Variants in DDX10 observed in about 807,000 individuals in gnomAD.
DDX10 encodes the protein probable ATP-dependent RNA helicase DDX10.
A neutral mutation model predicts 104.3 loss-of-function variants in DDX10; 74 were observed. The ratio of observed to expected loss-of-function variants is 0.71; its 90% CI spans 0.59 to 0.86. The LOEUF is 0.86. Among genes scored for constraint, DDX10 ranks in the 40% least tolerant of loss-of-function variants. The pLI, the probability that DDX10 is intolerant of heterozygous loss-of-function variation, is 0.00. For missense variants in DDX10, 952 were observed against 1,040.0 expected (o/e 0.92, Z 1.16); for synonymous variants, 351 against 353.4 (o/e 0.99, Z 0.08).
chr11:108,899,083 G>C (rs908507892), intron 16 of DDX10, among the ~76,000 whole-genome samples: 1 of 152,124 alleles, frequency 6.6e-6, no homozygotes, highest in African/African-American at 2.4e-5. Context: ...CTGCAACTTC[G>C]TGTCTCTGCG....
At chr11:108,845,685 A>T (rs1862706938) in intron 15 of DDX10, among the ~76,000 whole-genome samples, 1 of 152,226 alleles carries the variant, frequency 6.6e-6, no homozygotes, top group African/African-American at 2.4e-5. Flanking sequence ...CGTAAAACCT[A>T]TCACATGCTT....
In DDX10 at chr11:108,917,551, G is replaced by A. The variant is rs1195772381; in HGVS notation, c.2305-322G>A. Among the ~76,000 whole-genome samples, 6 of 152,268 alleles carry A rather than the reference G, an allele frequency of 3.9e-5. No homozygotes were observed. In the East Asian group the frequency reaches 7.7e-4, roughly 20 times the overall value. Reference sequence around the variant, plus strand: ...TGAGTAGCTGGGATGACAGGAGCATGCCACAGCACCTGGCTTTTATTTCTT... The same window carrying A: ...TGAGTAGCTGGGATGACAGGAGCATACCACAGCACCTGGCTTTTATTTCTT... On this transcript the variant is annotated intron_variant, in intron 16 of 17. Transcript: ENST00000322536.
chr11:108,778,523 C>T (rs1254834307), intron 13 of DDX10, among the ~76,000 whole-genome samples: 4 of 152,064 alleles, frequency 2.6e-5, no homozygotes, highest in Non-Finnish European at 4.4e-5. Context: ...CCCTTCCTTA[C>T]ACCTTATACA....
chr11:108,836,855 T>C (rs530420530), intron 13 of DDX10, among the ~76,000 whole-genome samples: 2 of 152,330 alleles, frequency 1.3e-5, no homozygotes, highest in South Asian at 2.1e-4. Flanking sequence ...AATGATTTGC[T>C]CTTTTTTGTG....
intron 16 of DDX10, among the ~76,000 whole-genome samples, chr11:108,882,296 G>A (rs1863237610): frequency 6.6e-6 from 1 of 152,174 alleles, no homozygotes; most frequent in African/African-American, 2.4e-5. Flanking sequence ...ACAGGCAGAA[G>A]CATTCACATT....
intron 5 of DDX10, 35 bp downstream of exon 5, chr11:108,678,470 AAAG>A: frequency 6.4e-7 from 1 of 1,554,432 alleles, no homozygotes. Flanking sequence ...AAAAAAAAAA[AAAG>A]CTCAGACTTA....
chr11:108,927,904 G>A (rs965835135), intron 17 of DDX10, among the ~76,000 whole-genome samples: 2 of 152,234 alleles, frequency 1.3e-5, no homozygotes, highest in African/African-American at 2.4e-5. Context: ...CTCCCAAAGT[G>A]CAGGGATTAT....
intron 13 of DDX10, among the ~76,000 whole-genome samples, chr11:108,827,716 C>T (rs1862414480): frequency 6.6e-6 from 1 of 152,098 alleles, no homozygotes; most frequent in Non-Finnish European, 1.5e-5. Flanking sequence ...GCCCACCCTG[C>T]TCCCCATCCT....
intron 17 of DDX10, among the ~76,000 whole-genome samples, chr11:108,923,710 C>G (rs1863870787): frequency 6.6e-6 from 1 of 152,128 alleles, no homozygotes; most frequent in African/African-American, 2.4e-5. Context: ...GGTTTGTGCA[C>G]TTGGGGAGGC....
chr11:108,680,224 C>G (rs939020715), intron 6 of DDX10, among the ~76,000 whole-genome samples: 4 of 152,080 alleles, frequency 2.6e-5, no homozygotes, highest in African/African-American at 9.7e-5. Flanking sequence ...TTATTTATCT[C>G]TTTTTTTCGA....
intron 16 of DDX10, among the ~76,000 whole-genome samples, chr11:108,869,964 AGAAAATTTGGT>A (rs1863058277): frequency 6.6e-6 from 1 of 152,146 alleles, no homozygotes; most frequent in African/African-American, 2.4e-5. Context: ...AAAGTAGATG[AGAAAATTTGGT>A]GAAGTCCATA....
intron 3 of DDX10, among the ~76,000 whole-genome samples, chr11:108,676,828 A>G (rs1191613350): frequency 6.6e-6 from 1 of 152,132 alleles, no homozygotes; most frequent in Non-Finnish European, 1.5e-5. Flanking sequence ...CATACCTTTC[A>G]CTGATAGCCA....
At position 108,688,508 on chromosome 11, in the gene DDX10, A is replaced by T. The variant is rs541157005; in HGVS notation, c.849-428A>T. Among the ~76,000 whole-genome samples, 172 of 152,128 alleles carry T rather than the reference A, an allele frequency of 1.1e-3. 2 individuals carry two copies. The highest frequency in any genetic ancestry group is 4.0e-3 in the African/African-American group (167 of 41,516). On this transcript the variant is annotated intron_variant, in intron 6 of 17. Coordinates refer to ENST00000322536, the MANE Select transcript of DDX10 (RefSeq NM_004398.4). ...TACTGAGAGTTTAATATTTGAACAG[A>T]TTTTTTTTCTTTTGGCATAAAATTT...
At chr11:108,702,308 T>C (rs1004262292) in intron 9 of DDX10, among the ~76,000 whole-genome samples, 3 of 152,190 alleles carry the variant, frequency 2.0e-5, no homozygotes, top group African/African-American at 7.2e-5. Flanking sequence ...GAAATGTTTT[T>C]TTCGTGTATG....
At chr11:108,924,918 T>C (rs926590709) in intron 17 of DDX10, among the ~76,000 whole-genome samples, 19 of 152,220 alleles carry the variant, frequency 1.2e-4, no homozygotes, top group Non-Finnish European at 2.6e-4. Flanking sequence ...TCCTTCATTA[T>C]GAATCTCATT....
chr11:108,733,832 T>A (rs1164344173), intron 13 of DDX10, among the ~76,000 whole-genome samples: 1 of 151,898 alleles, frequency 6.6e-6, no homozygotes, highest in Non-Finnish European at 1.5e-5. Context: ...CAAATTAGTA[T>A]TTTTTTTCAA....
At chr11:108,864,787 T>C (rs1253005090) in intron 16 of DDX10, among the ~76,000 whole-genome samples, 1 of 152,096 alleles carries the variant, frequency 6.6e-6, no homozygotes, top group African/African-American at 2.4e-5. Context: ...AACCCTGAGG[T>C]GCTAGGCCTT....
intron 13 of DDX10, among the ~76,000 whole-genome samples, chr11:108,836,758 G>T (rs1862561041): frequency 6.6e-6 from 1 of 151,998 alleles, no homozygotes; most frequent in East Asian, 1.9e-4. Context: ...CAAAGTGCTG[G>T]GATTATAGGT....
rs112538186 is a variant in DDX10, at chr11:108,854,025, G to A, written c.2304+1816G>A. 6.2e-3 allele frequency among the ~76,000 whole-genome samples: 942 copies of A among 152,276 alleles called. 5 individuals carry two copies. Among genetic ancestry groups the A allele is most frequent in the African/African-American group, 0.021 (875 of 41,552 alleles). ...AGTGCTCAGAGATGGTAGCCCTTTT[G>A]TAAGAGTGATATTACCAGAGGGATC... On this transcript the variant is annotated intron_variant, in intron 16 of 17. Coordinates refer to ENST00000322536, the MANE Select transcript of DDX10 (RefSeq NM_004398.4).
Sources: allele counts gnomAD v4.1 joint callset (sites outside exome capture counted in the v4.1 genomes callset), GRCh38; gene constraint gnomAD v4.1.1; transcripts MANE v1.5; gene names NCBI Gene and HGNC (gene_info 2026-07-23, HGNC 2026-07-21).